The following MRPS35 variants were observed in gnomAD, a reference collection of about 807,000 sequenced individuals.
MRPS35 encodes the protein mitochondrial ribosomal protein S35.
Under a neutral mutation model 32.7 loss-of-function variants are expected in MRPS35, and 29 were observed. The ratio of observed to expected loss-of-function variants is 0.89; its 90% CI spans 0.66 to 1.21. The LOEUF is 1.21. Ranked by LOEUF, MRPS35 falls within the 50% of genes most tolerant of loss-of-function variation. The pLI is 0.00. For synonymous variants in MRPS35, 148 were observed against 139.3 expected, an observed-to-expected ratio of 1.06 and a Z score of -0.44; for missense variants, 373 against 383.8, an observed-to-expected ratio of 0.97 and a Z score of 0.23.
rs148604566 is a variant in MRPS35 at position 27,732,075 on chromosome 12, A to G, written c.523-3372A>G. On this transcript the variant is annotated intron_variant, in intron 5 of 7. Transcript: ENST00000081029. ...TTCAGCCATGCTTGTACCATTCCAC[A>G]GGTTCATATTTTTAAGAACATATTA... 2.4e-4 allele frequency among the ~76,000 whole-genome samples: 37 copies of G among 152,348 alleles called. No homozygotes were observed. The East Asian group carries it at 6.4e-3, about 26-fold the overall frequency.
At chr12:27,754,533 G>A (rs189428724) in intron 7 of MRPS35, among the ~76,000 whole-genome samples, 4 of 152,000 alleles carry the variant, frequency 2.6e-5, no homozygotes, top group South Asian at 2.1e-4. Context: ...TTGAGAGGCC[G>A]TGGCAGAATA....
At chr12:27,752,379 T>C (rs2062008456) in intron 7 of MRPS35, among the ~76,000 whole-genome samples, 1 of 152,260 alleles carries the variant, frequency 6.6e-6, no homozygotes, top group Non-Finnish European at 1.5e-5. Flanking sequence ...ACATGAAATG[T>C]GGGAATTATT....
chr12:27,738,021 A>G (rs904387320), intron 7 of MRPS35, among the ~76,000 whole-genome samples: 1 of 152,206 alleles, frequency 6.6e-6, no homozygotes, highest in African/African-American at 2.4e-5. Flanking sequence ...TTTTTAGTTA[A>G]CACATAACAT....
At chr12:27,714,257 G>A (rs2061840447) in intron 1 of MRPS35, among the ~76,000 whole-genome samples, 1 of 151,914 alleles carries the variant, frequency 6.6e-6, no homozygotes, top group Admixed American at 6.6e-5. Context: ...TTTAGATAAT[G>A]AATTCACTGT....
At position 27,714,970 on chromosome 12, in the gene MRPS35, C is replaced by G. The variant is rs927417087; in HGVS notation, c.153+150C>G. 4 of 661,282 alleles carry G rather than the reference C, an allele frequency of 6.0e-6. No individual in the cohort carries two copies. In the Admixed American group the frequency reaches 1.2e-4, roughly 20 times the overall value. The allele number at this position is 661,282 out of a possible 1,614,324, so 41.0% of individuals were successfully genotyped here. A position where few individuals can be genotyped will look rare whatever the true frequency, so the allele number is the denominator to read the frequency against. The stretch of plus-strand genomic sequence containing the variant: ...TGCCATAGCCCTGGCAGAGGTTAGT[C>G]TTTGTTTTTTGTCAGTACCCAGAGA... On this transcript the variant is annotated intron_variant, in intron 2 of 7. Coordinates refer to ENST00000081029, the MANE Select transcript of MRPS35 (RefSeq NM_021821.4).
chr12:27,723,947 C>A (rs2061887643), intron 4 of MRPS35, 100 bp from the exon 5 acceptor site: 1 of 1,144,382 alleles, frequency 8.7e-7, no homozygotes. Context: ...TTTCATGTAA[C>A]TTGGTGATGC....
At chr12:27,727,002 C>T (rs1179890266) in intron 5 of MRPS35, among the ~76,000 whole-genome samples, 6 of 147,528 alleles carry the variant, frequency 4.1e-5, no homozygotes, top group Non-Finnish European at 9.0e-5. Context: ...ACTCTGTCAC[C>T]CAGGCTGGAG....
rs749186870 is a variant in MRPS35 at position 27,719,807 on chromosome 12, G to T, written c.322-1G>T. On this transcript the variant is annotated splice_acceptor_variant, in intron 3 of 7. Coordinates refer to ENST00000081029, the MANE Select transcript of MRPS35 (RefSeq NM_021821.4). LOFTEE classifies it high-confidence loss of function. ...TTATCTTTTAAATTTCTCTATTTAA[G>T]ATTCCCAATTTTCTGCATTTGACTC... 3 of 1,587,534 alleles carry T rather than the reference G, an allele frequency of 1.9e-6. No individual in the cohort carries two copies. The highest frequency in any genetic ancestry group is 2.6e-6 in the Non-Finnish European group (3 of 1,158,234).
intron 3 of MRPS35, among the ~76,000 whole-genome samples, chr12:27,718,822 C>A (rs1429918936): frequency 6.6e-6 from 1 of 152,214 alleles, no homozygotes; most frequent in Non-Finnish European, 1.5e-5. Context: ...CACAGCGGCT[C>A]ACACCTATAA....
At chr12:27,752,818 T>G (rs2062011060) in intron 7 of MRPS35, 2 of 151,952 alleles carry the variant, frequency 1.3e-5, no homozygotes, top group Admixed American at 1.3e-4. Context: ...GATTCAGAGT[T>G]TGTTAGAAAT....
chr12:27,751,102 C>CAAAAAAAAAAAAA (rs71438703), intron 7 of MRPS35, among the ~76,000 whole-genome samples: 16 of 38,090 alleles, frequency 4.2e-4, no homozygotes, highest in Non-Finnish European at 4.7e-4. Flanking sequence ...GACTCCATCT[C>CAAAAAAAAAAAAA]AAAAAAAAAA....
intron 7 of MRPS35, among the ~76,000 whole-genome samples, chr12:27,743,250 G>T (rs2061970636): frequency 6.6e-6 from 1 of 151,998 alleles, no homozygotes; most frequent in Non-Finnish European, 1.5e-5. Flanking sequence ...AATGTTGGCT[G>T]GGCACGGTGG....
At chr12:27,741,727 A>T (rs1255543169) in intron 7 of MRPS35, among the ~76,000 whole-genome samples, 1 of 152,222 alleles carries the variant, frequency 6.6e-6, no homozygotes, top group Non-Finnish European at 1.5e-5. Flanking sequence ...GTCAGTTTGC[A>T]AAGTGACTTG....
chr12:27,746,276 T>TATCCC (rs760033864), intron 7 of MRPS35, among the ~76,000 whole-genome samples: 56 of 152,292 alleles, frequency 3.7e-4, no homozygotes, highest in Middle Eastern at 6.8e-3. Flanking sequence ...TAAGTTTGAG[T>TATCCC]ATCCCTAATT....
chr12:27,747,153 A>T (rs539150613), intron 7 of MRPS35, among the ~76,000 whole-genome samples: 2 of 152,308 alleles, frequency 1.3e-5, no homozygotes. Context: ...TAATGAACAT[A>T]ATATGTTCTT....
At chr12:27,731,404 G>C (rs1307271707) in intron 5 of MRPS35, among the ~76,000 whole-genome samples, 6 of 152,186 alleles carry the variant, frequency 3.9e-5, no homozygotes, top group African/African-American at 1.4e-4. Flanking sequence ...CTGAAGAAAT[G>C]TGTTGAAAAT....
intron 7 of MRPS35, among the ~76,000 whole-genome samples, chr12:27,741,083 G>A (rs143416999): frequency 8.6e-4 from 131 of 152,014 alleles, no homozygotes; most frequent in African/African-American, 3.0e-3. Flanking sequence ...CACAAGAATC[G>A]CTTGAACCCG....
At chr12:27,735,902 G>A (rs2061941398) in intron 6 of MRPS35, among the ~76,000 whole-genome samples, 3 of 152,122 alleles carry the variant, frequency 2.0e-5, no homozygotes, top group South Asian at 4.1e-4. Context: ...TAAAAATCTT[G>A]TAGTTCAAAA....
At chr12:27,727,188 C>T (rs1565466748) in intron 5 of MRPS35, among the ~76,000 whole-genome samples, 1 of 151,984 alleles carries the variant, frequency 6.6e-6, no homozygotes, top group Non-Finnish European at 1.5e-5. Context: ...GTCTCGATCT[C>T]CTGACCTTGT....
Sources: allele counts gnomAD v4.1 joint callset (sites outside exome capture counted in the v4.1 genomes callset), GRCh38; gene constraint gnomAD v4.1.1; transcripts MANE v1.5; gene names NCBI Gene and HGNC (gene_info 2026-07-23, HGNC 2026-07-21).